The following COG6 variants were observed in gnomAD, a reference collection of about 807,000 sequenced individuals.
The protein encoded by COG6 is component of oligomeric golgi complex 6.
Under a neutral mutation model 88.8 loss-of-function variants are expected in COG6, and 74 were observed. The ratio of observed to expected loss-of-function variants is 0.83; its 90% CI spans 0.69 to 1.01. COG6 has a LOEUF of 1.01. Ranked by LOEUF, COG6 falls within the 50% of genes least tolerant of loss-of-function variation. COG6 has a pLI of 0.00. For synonymous variants in COG6, 286 were observed against 278.7 expected, an observed-to-expected ratio of 1.03 and a Z score of -0.26; for missense variants, 800 against 797.9, an observed-to-expected ratio of 1.00 and a Z score of -0.03.
At chr13:39,690,998 A>T (rs1247303757) in intron 11 of COG6, among the ~76,000 whole-genome samples, 1 of 151,886 alleles carries the variant, frequency 6.6e-6, no homozygotes, top group Non-Finnish European at 1.5e-5. Context: ...ATAACTTCAT[A>T]TAGTTAAATT....
intron 5 of COG6, among the ~76,000 whole-genome samples, chr13:39,678,966 A>C (rs975434755): frequency 5.9e-5 from 9 of 152,160 alleles, no homozygotes; most frequent in South Asian, 4.1e-4. Flanking sequence ...AAAGAAAAAT[A>C]ACACATCCGT....
chr13:39,788,659 A>G (rs1471078053), exon 19 of COG6: 1 of 372,208 alleles, frequency 2.7e-6, no homozygotes, highest in Non-Finnish European at 4.9e-6. Context: ...GTGTCTGTCT[A>G]AGTGTAAACA....
chr13:39,694,561 A>G (rs1264419681), intron 11 of COG6, 73 bp from the exon 12 acceptor site: 3 of 899,664 alleles, frequency 3.3e-6, no homozygotes, highest in South Asian at 1.4e-5. Context: ...TATGCTATTC[A>G]TACCATATGT....
chr13:39,693,153 T>C (rs1169030505), intron 11 of COG6, among the ~76,000 whole-genome samples: 1 of 152,038 alleles, frequency 6.6e-6, no homozygotes, highest in Non-Finnish European at 1.5e-5. Context: ...GTCAGTCTCC[T>C]GATTTTCCAG....
downstream of COG6, among the ~76,000 whole-genome samples, chr13:39,756,540 C>T (rs1011287019): frequency 1.2e-4 from 18 of 152,102 alleles, no homozygotes; most frequent in Admixed American, 8.5e-4. Flanking sequence ...AGCTCCAAGT[C>T]GGATGAACTA....
In COG6 at chr13:39,719,318, A is replaced by G. The variant is rs773379601; in HGVS notation, c.1367A>G (p.His456Arg). 3.1e-6 allele frequency: 5 copies of G among 1,610,678 alleles called. No individual in the cohort carries two copies. The highest frequency in any genetic ancestry group is 2.5e-6 in the Non-Finnish European group (3 of 1,177,370). Residue 456 changes from histidine to arginine, a missense_variant, in exon 14 of 19, where the codon CAC (histidine) becomes CGC (arginine). His to Arg is a conservative substitution (Grantham distance 29). Transcript: ENST00000455146. The part of the protein sequence containing the change: ...LMLLREVLAS[H>R]DSSVVPLDAR... Reference sequence around the variant, plus strand: ...TTGCTGCGTGAAGTTTTAGCATCTCACGATTCTTCAGTTGTACCATTAGAT... The same window carrying G: ...TTGCTGCGTGAAGTTTTAGCATCTCGCGATTCTTCAGTTGTACCATTAGAT...
intron 17 of COG6, 125 bp downstream of exon 17, chr13:39,724,686 G>A (rs1169050793): frequency 2.7e-6 from 2 of 750,076 alleles, no homozygotes; most frequent in East Asian, 2.5e-5. Flanking sequence ...ATTAACGTTG[G>A]GTCCAATAAT....
intron 18 of COG6, among the ~76,000 whole-genome samples, chr13:39,731,415 G>C (rs1041180153): frequency 6.6e-6 from 1 of 152,200 alleles, no homozygotes; most frequent in Non-Finnish European, 1.5e-5. Flanking sequence ...TCCCTTTGGA[G>C]TGAATTTGAA....
chr13:39,759,362 G>A (rs1880943889), intron 18 of COG6, among the ~76,000 whole-genome samples: 1 of 152,032 alleles, frequency 6.6e-6, no homozygotes, highest in Non-Finnish European at 1.5e-5. Context: ...CCTTGAACCT[G>A]GTGATAGTAC....
chr13:39,673,256 TTGTA>T (rs900358430), intron 4 of COG6, among the ~76,000 whole-genome samples: 3 of 151,998 alleles, frequency 2.0e-5, no homozygotes, highest in Non-Finnish European at 4.4e-5. Context: ...TTTTTGTCAT[TTGTA>T]TGTGCTTTAT....
chr13:39,668,838 C>A (rs376666290), intron 4 of COG6, among the ~76,000 whole-genome samples: 1 of 151,816 alleles, frequency 6.6e-6, no homozygotes, highest in African/African-American at 2.4e-5. Context: ...TCCAAGGTAG[C>A]CTTTACCTTG....
intron 18 of COG6, among the ~76,000 whole-genome samples, chr13:39,760,447 T>C (rs1463314687): frequency 5.9e-5 from 9 of 151,934 alleles, no homozygotes; most frequent in Admixed American, 5.9e-4. Context: ...AAGCCAAGCA[T>C]TAAAAAGCCA....
intron 4 of COG6, among the ~76,000 whole-genome samples, chr13:39,675,143 G>T (rs769889985): frequency 1.8e-4 from 28 of 151,626 alleles, no homozygotes; most frequent in Non-Finnish European, 3.7e-4. Context: ...TCTTAAATAC[G>T]CTAGAAGTTA....
At chr13:39,659,675 A>G (rs1252254179) in intron 2 of COG6, among the ~76,000 whole-genome samples, 168 bp downstream of exon 2, 1 of 152,194 alleles carries the variant, frequency 6.6e-6, no homozygotes, top group Non-Finnish European at 1.5e-5. Flanking sequence ...ATTTGTATTA[A>G]TGTGATTTAT....
chr13:39,717,470 A>G (rs1192425944), intron 13 of COG6, among the ~76,000 whole-genome samples: 1 of 110,902 alleles, frequency 9.0e-6, no homozygotes, highest in East Asian at 2.7e-4. Flanking sequence ...CTTATCTCTG[A>G]TGTTCTGTTC....
intron 18 of COG6, among the ~76,000 whole-genome samples, chr13:39,773,146 C>T (rs1881366199): frequency 6.6e-6 from 1 of 152,190 alleles, no homozygotes; most frequent in African/African-American, 2.4e-5. Context: ...TCCCTCCATC[C>T]TAATGCCAGG....
intron 13 of COG6, among the ~76,000 whole-genome samples, chr13:39,709,542 A>G (rs977172190): frequency 6.6e-5 from 10 of 151,548 alleles, no homozygotes; most frequent in African/African-American, 2.2e-4. Flanking sequence ...AACATGCAAT[A>G]TTTGACTTTG....
At chr13:39,778,441 C>T (rs1881528467) in intron 18 of COG6, among the ~76,000 whole-genome samples, 1 of 152,190 alleles carries the variant, frequency 6.6e-6, no homozygotes, top group African/African-American at 2.4e-5. Context: ...TCAGAATTTG[C>T]TGCAGCTTAG....
At chr13:39,656,702 A>G (rs779901102) in intron 1 of COG6, 5 of 369,528 alleles carry the variant, frequency 1.4e-5, no homozygotes, top group Non-Finnish European at 2.7e-5. Flanking sequence ...ATGTAAAAAA[A>G]TAACATTGCA....
Sources: gnomAD v4.1 joint callset for allele counts (sites outside exome capture counted in the v4.1 genomes callset) on GRCh38, gnomAD v4.1.1 for gene constraint, MANE v1.5 for transcripts, NCBI Gene and HGNC (gene_info 2026-07-23, HGNC 2026-07-21) for gene names.